Variants in CCDC3 observed in about 807,000 individuals in gnomAD.
The protein encoded by CCDC3 is coiled-coil domain containing 3.
Under a neutral mutation model 21.4 loss-of-function variants are expected in CCDC3, and 24 were observed. The observed-to-expected ratio is 1.12, with a 90% CI of 0.81 to 1.58. CCDC3 has a LOEUF of 1.58. Ranked by LOEUF, CCDC3 falls within the 40% of genes most tolerant of loss-of-function variation. The pLI is 0.00. For missense variants in CCDC3, 425 were observed against 360.9 expected (o/e 1.18, Z -1.44); for synonymous variants, 186 against 166.0 (o/e 1.12, Z -0.93).
intron 4 of CCDC3, among the ~76,000 whole-genome samples, chr10:13,053,694 T>C (rs745363365): frequency 6.6e-6 from 1 of 152,222 alleles, no homozygotes; most frequent in Non-Finnish European, 1.5e-5. Context: ...GTTTCATTTG[T>C]CACTTAAAAC....
chr10:13,071,762 TTC>T (rs2131440132), intron 4 of CCDC3, among the ~76,000 whole-genome samples: 1 of 152,332 alleles, frequency 6.6e-6, no homozygotes, highest in African/African-American at 2.4e-5. Context: ...GCCTGCTCCC[TTC>T]TTTCTGGATG....
chr10:13,029,686 T>G (rs11258142), intron 5 of CCDC3, among the ~76,000 whole-genome samples: 15,275 of 152,140 alleles, frequency 0.1, 879 homozygotes, highest in East Asian at 0.18. Flanking sequence ...GAGAACTACA[T>G]GACGCATGCA....
At chr10:12,982,788 G>C (rs1835519903) in intron 2 of CCDC3, among the ~76,000 whole-genome samples, 1 of 64,108 alleles carries the variant, frequency 1.6e-5, no homozygotes. Flanking sequence ...GCAAGACTCT[G>C]TCTCAAAAAA....
At chr10:12,974,180 G>C (rs1198278151) in intron 2 of CCDC3, among the ~76,000 whole-genome samples, 1 of 152,218 alleles carries the variant, frequency 6.6e-6, no homozygotes. Flanking sequence ...GAAATTTGCT[G>C]GATAGGAAAA....
intron 2 of CCDC3, among the ~76,000 whole-genome samples, chr10:12,948,110 G>GT (rs1356736749): frequency 6.6e-6 from 1 of 152,068 alleles, no homozygotes; most frequent in African/African-American, 2.4e-5. Flanking sequence ...ATGGGGTCAG[G>GT]TTTTTTCCAT....
intron 5 of CCDC3, among the ~76,000 whole-genome samples, chr10:13,043,427 T>A (rs532106737): frequency 6.6e-6 from 1 of 152,110 alleles, no homozygotes; most frequent in Non-Finnish European, 1.5e-5. Context: ...AACCTGCTTC[T>A]ACTAAAAAAA....
chr10:12,910,628 GAC>G (rs1834258023), intron 2 of CCDC3, among the ~76,000 whole-genome samples: 2 of 52,552 alleles, frequency 3.8e-5, no homozygotes, highest in African/African-American at 1.5e-4. Flanking sequence ...TTTTTTTTTT[GAC>G]ACAGAGTCTT....
At chr10:12,968,475 A>G (rs1375987830) in intron 2 of CCDC3, among the ~76,000 whole-genome samples, 5 of 152,226 alleles carry the variant, frequency 3.3e-5, no homozygotes, top group Non-Finnish European at 5.9e-5. Context: ...CCTGTCTTAC[A>G]AGAAAGGTTA....
intron 3 of CCDC3, among the ~76,000 whole-genome samples, chr10:13,091,820 CAA>C (rs5783305): frequency 0.6 from 76,146 of 127,294 alleles, 21,879 homozygotes; most frequent in East Asian, 0.85. Context: ...AAGCCCAATC[CAA>C]AAAAAAAAAA....
rs530663862 is a variant in CCDC3, at chr10:13,033,498, A to C, written c.-2+16176T>G. On this transcript the variant is annotated intron_variant, in intron 5 of 6. Coordinates refer to the CCDC3 transcript ENST00000378839. The stretch of plus-strand genomic sequence containing the variant: ...AAGACAAAATTGACAAATGGGATCT[A>C]ATTAAACTAAAGAGCTTCTGCACAG... Among the ~76,000 whole-genome samples the C allele has an allele frequency of 1.4e-4, 21 of 152,318 alleles. No homozygotes were observed. In the South Asian group the frequency reaches 3.9e-3, roughly 29 times the overall value.
intron 1 of CCDC3, among the ~76,000 whole-genome samples, chr10:13,000,281 C>A (rs771682149): frequency 5.9e-5 from 9 of 152,230 alleles, no homozygotes; most frequent in Non-Finnish European, 1.3e-4. Flanking sequence ...CAAATTCCAA[C>A]TGAAGCTAAC....
In CCDC3 at chr10:12,926,162, A is replaced by T. The variant is rs187303973; in HGVS notation, c.550-27483T>A. Among the ~76,000 whole-genome samples the T allele has an allele frequency of 6.8e-4, 104 of 152,320 alleles. 1 individual carries two copies. In the Middle Eastern group the frequency reaches 0.01, roughly 15 times the overall value. ...GATAGTCAGGAGCAGAAACCAAAGG[A>T]TCCATGGAGGATGCTGGAGGACACA... On this transcript the variant is annotated intron_variant, in intron 2 of 2. Coordinates refer to ENST00000378825, the MANE Select transcript of CCDC3 (RefSeq NM_031455.4).
intron 2 of CCDC3, among the ~76,000 whole-genome samples, chr10:12,919,976 T>C (rs895070011): frequency 1.3e-5 from 2 of 152,002 alleles, no homozygotes; most frequent in Admixed American, 6.6e-5. Flanking sequence ...ACAAATTCCA[T>C]CTAGTGGGCC....
intron 2 of CCDC3, among the ~76,000 whole-genome samples, chr10:12,934,746 A>AC (rs1834708058): frequency 6.6e-6 from 1 of 152,120 alleles, no homozygotes; most frequent in African/African-American, 2.4e-5. Flanking sequence ...CTCTAAAATT[A>AC]ATATAGCTAC....
At position 12,987,104 on chromosome 10, in the gene CCDC3, G is replaced by A. The variant is rs547333965; in HGVS notation, c.549+11234C>T. Among the ~76,000 whole-genome samples, 5 of 152,240 alleles carry A rather than the reference G, an allele frequency of 3.3e-5. No individual in the cohort carries two copies. In the South Asian group the frequency reaches 6.2e-4, roughly 19 times the overall value. On this transcript the variant is annotated intron_variant, in intron 2 of 2. Coordinates refer to ENST00000378825, the MANE Select transcript of CCDC3 (RefSeq NM_031455.4). ...TCCCTGGTATGCAGCCCTGTCCTCT[G>A]CTGTGTGCTGGCTCACCCCAGCGCC...
intron 2 of CCDC3, among the ~76,000 whole-genome samples, chr10:12,971,969 G>A (rs531789563): frequency 6.6e-6 from 1 of 152,096 alleles, no homozygotes; most frequent in African/African-American, 2.4e-5. Context: ...TTACAGGTGT[G>A]AGCCACCATG....
intron 5 of CCDC3, among the ~76,000 whole-genome samples, chr10:13,036,079 G>A (rs1394839071): frequency 6.6e-6 from 1 of 152,124 alleles, no homozygotes; most frequent in Non-Finnish European, 1.5e-5. Flanking sequence ...AGGAGGTGGA[G>A]AACGCAGTGA....
chr10:12,910,988 G>C (rs2131203886), intron 2 of CCDC3, among the ~76,000 whole-genome samples: 1 of 152,310 alleles, frequency 6.6e-6, no homozygotes, highest in South Asian at 2.1e-4. Flanking sequence ...TATTATCTGT[G>C]AGAATTTTAA....
intron 3 of CCDC3, among the ~76,000 whole-genome samples, chr10:13,078,628 A>G (rs1836995405): frequency 6.6e-6 from 1 of 152,228 alleles, no homozygotes; most frequent in Non-Finnish European, 1.5e-5. Context: ...CATCAATGAT[A>G]GACTGGATTA....
Sources: allele counts gnomAD v4.1 joint callset (sites outside exome capture counted in the v4.1 genomes callset), GRCh38; gene constraint gnomAD v4.1.1; transcripts MANE v1.5; gene names NCBI Gene and HGNC (gene_info 2026-07-23, HGNC 2026-07-21).